NUP62: variants seen among roughly 807,000 people sequenced by gnomAD.
NUP62 encodes nuclear pore glycoprotein p62.
For synonymous variants in NUP62, 305 were observed against 303.4 expected (o/e 1.01, Z -0.05); for missense variants, 647 against 689.4 (o/e 0.94, Z 0.69).
rs1232154102 is a variant in NUP62 at position 49,921,819 on chromosome 19, C to A, written c.-78+5875G>T. 1.3e-5 allele frequency among the ~76,000 whole-genome samples: 2 copies of A among 152,210 alleles called. No homozygotes were observed. The highest frequency in any genetic ancestry group is 2.9e-5 in the Non-Finnish European group (2 of 68,026). ...GGCTGGGCTCAAGCCCGGGTACTTT[C>A]CTCCGTGCCCAAGCAACCCTGTAGG... is the stretch of plus-strand genomic sequence containing the variant. On this transcript the variant is annotated intron_variant, in intron 2 of 2. Transcript: ENST00000352066. The surrounding 1 kb of genome is among the most constrained non-coding windows in gnomAD (Gnocchi z 5.4).
intron 2 of NUP62, among the ~76,000 whole-genome samples, chr19:49,927,138 G>C (rs2075915022): frequency 6.6e-6 from 1 of 152,118 alleles, no homozygotes; most frequent in Admixed American, 6.6e-5. Flanking sequence ...TGGGACTACA[G>C]GCATGAGCCA....
intron 2 of NUP62, among the ~76,000 whole-genome samples, chr19:49,915,974 G>A (rs902203288): frequency 2.5e-4 from 38 of 152,328 alleles, no homozygotes; most frequent in Middle Eastern, 3.4e-3. Flanking sequence ...TGCTGTATTC[G>A]CAGCACCTGC....
chr19:49,907,605 T>C lies in NUP62; in HGVS notation c.*634A>G, dbSNP rs1600492913. 2 of 405,740 alleles carry C rather than the reference T, an allele frequency of 4.9e-6. No individual in the cohort carries two copies. Among genetic ancestry groups the C allele is most frequent in the Admixed American group, 6.6e-5 (2 of 30,412 alleles). 25.1% of individuals were successfully genotyped at this position (405,740 alleles called of 1,614,324 possible). On this transcript the variant is annotated 3_prime_UTR_variant, in exon 3 of 3. Transcript: ENST00000352066. Reference sequence around the variant, plus strand: ...AGGCTGGAGTGCAGTGGTGTGATCTTGGTTCACTGCAACACCTCCTGGGTT... The same window carrying C: ...AGGCTGGAGTGCAGTGGTGTGATCTCGGTTCACTGCAACACCTCCTGGGTT...
chr19:49,929,082 C>T (rs1289271877), intron 1 of NUP62: 1 of 152,418 alleles, frequency 6.6e-6, no homozygotes. Flanking sequence ...CCCCTGATCC[C>T]CAGGAGGAGG....
chr19:49,909,950 G>T, intron 2 of NUP62, 66 bp from the exon 3 acceptor site: 1 of 828,422 alleles, frequency 1.2e-6, no homozygotes, highest in Non-Finnish European at 2.0e-6. Flanking sequence ...GGCATGACTG[G>T]GCACAGTCGG....
chr19:49,922,110 G>A (rs2075779361), intron 2 of NUP62, among the ~76,000 whole-genome samples: 1 of 152,196 alleles, frequency 6.6e-6, no homozygotes, highest in South Asian at 2.1e-4. Flanking sequence ...AGAGCTGCTG[G>A]CTGTTTCTCA....
At chr19:49,912,738 C>T (rs1031260941) in intron 2 of NUP62, among the ~76,000 whole-genome samples, 8 of 148,746 alleles carry the variant, frequency 5.4e-5, no homozygotes, top group African/African-American at 1.3e-4. Flanking sequence ...TGGTGGCAGG[C>T]GCCTGTAGTC....
In NUP62 at chr19:49,921,971, C is replaced by T. The variant is rs2075775350; in HGVS notation, c.-78+5723G>A. Among the ~76,000 whole-genome samples, 1 of 152,204 alleles carries T rather than the reference C, an allele frequency of 6.6e-6. No individual in the cohort carries two copies. The highest frequency in any genetic ancestry group is 6.5e-5 in the Admixed American group (1 of 15,288). On this transcript the variant is annotated intron_variant, in intron 2 of 2. Coordinates refer to ENST00000352066, the MANE Select transcript of NUP62 (RefSeq NM_016553.5). The surrounding 1 kb of genome is among the most constrained non-coding windows in gnomAD (Gnocchi z 5.4). ...CGAGAAAGCAGCCCCGACGGCAGGG[C>T]CCTAGGGCCCCAGGCCAGGCCACCA...
chr19:49,923,359 T>A (rs894878048), intron 2 of NUP62, among the ~76,000 whole-genome samples: 8 of 152,110 alleles, frequency 5.3e-5, no homozygotes, highest in African/African-American at 1.9e-4. Context: ...GCTGAGCAAC[T>A]CATTAGAAAA....
chr19:49,917,583 C>T (rs2122692643), intron 2 of NUP62: 1 of 152,302 alleles, frequency 6.6e-6, no homozygotes, highest in Admixed American at 6.5e-5. Context: ...GGGTCAGGGT[C>T]TGGGTTATGT....
chr19:49,924,794 G>T (rs552764881), intron 2 of NUP62, among the ~76,000 whole-genome samples: 1 of 152,334 alleles, frequency 6.6e-6, no homozygotes, highest in East Asian at 1.9e-4. Flanking sequence ...CACTCACCCT[G>T]AGTCCAGCTG....
Position 49,909,499 on chromosome 19 carries a change from A to T in NUP62, c.309T>A (p.Ala103=). 3.1e-6 allele frequency: 5 copies of T among 1,614,158 alleles called. No individual in the cohort carries two copies. The highest frequency in any genetic ancestry group is 4.2e-6 in the Non-Finnish European group (5 of 1,180,028). Residue 103 remains alanine (A), a synonymous_variant, in exon 3 of 3, where the codon GCT becomes GCA. Coordinates refer to ENST00000352066, the MANE Select transcript of NUP62 (RefSeq NM_016553.5). ...GASKLNLSNT[A]ATPAMANPSG... is the part of the protein sequence containing the mutation. Reference sequence around the variant, plus strand: ...TGGGGTTTGCCATGGCTGGGGTGGCAGCTGTGTTGCTCAAGTTGAGCTTTG... The same window carrying T: ...TGGGGTTTGCCATGGCTGGGGTGGCTGCTGTGTTGCTCAAGTTGAGCTTTG...
At chr19:49,926,208 CAAAAAAAAAAA>C (rs33981121) in intron 2 of NUP62, among the ~76,000 whole-genome samples, 2 of 42,516 alleles carry the variant, frequency 4.7e-5, no homozygotes, top group East Asian at 7.9e-4. Flanking sequence ...GACTCTGTCT[CAAAAAAAAAAA>C]AAAAAAAAAA....
intron 2 of NUP62, among the ~76,000 whole-genome samples, chr19:49,913,521 C>A (rs12462389): frequency 6.6e-6 from 1 of 152,106 alleles, no homozygotes; most frequent in Non-Finnish European, 1.5e-5. Context: ...CATGTCCTCC[C>A]CACAACCCGG....
At chr19:49,926,208 CAAAAAA>C (rs33981121) in intron 2 of NUP62, among the ~76,000 whole-genome samples, 1 of 42,516 alleles carries the variant, frequency 2.4e-5, no homozygotes, top group African/African-American at 1.0e-4. Flanking sequence ...GACTCTGTCT[CAAAAAA>C]AAAAAAAAAA....
chr19:49,917,498 T>C (rs948303589), intron 2 of NUP62: 4 of 152,184 alleles, frequency 2.6e-5, no homozygotes, highest in East Asian at 1.9e-4. Context: ...AAGTGGACCT[T>C]AGCCAAGGCA....
rs755405812 is a variant in NUP62, at chr19:49,909,174, CTGTGGG to C, written c.628_633del (p.Pro210_Thr211del). The C allele has an allele frequency of 1.8e-5, 29 of 1,613,584 alleles. No homozygotes were observed. The highest frequency in any genetic ancestry group is 2.3e-5 in the Non-Finnish European group (27 of 1,179,788). Reference sequence around the variant, plus strand: ...CTGGGCCCAGTGCTGGTGATGGTGGCTGTGGGTGTGGGAGCAGCTGGCTGTGTGGCA... The same window carrying C: ...CTGGGCCCAGTGCTGGTGATGGTGGCTGTGGGAGCAGCTGGCTGTGTGGCA... On this transcript the variant is annotated inframe_deletion, in exon 3 of 3. Coordinates refer to ENST00000352066, the MANE Select transcript of NUP62 (RefSeq NM_016553.5).
chr19:49,912,256 G>A (rs553315998), intron 2 of NUP62, among the ~76,000 whole-genome samples: 44 of 140,248 alleles, frequency 3.1e-4, no homozygotes, highest in East Asian at 1.8e-3. Context: ...TGCAACCTCC[G>A]CTTCCCGGGT....
intron 2 of NUP62, among the ~76,000 whole-genome samples, chr19:49,910,624 G>C (rs990199818): frequency 6.6e-6 from 1 of 151,646 alleles, no homozygotes; most frequent in Non-Finnish European, 1.5e-5. Context: ...GTGTGGTGTG[G>C]AGGATTGCAC....
Sources: allele counts gnomAD v4.1 joint callset (sites outside exome capture counted in the v4.1 genomes callset), GRCh38; gene constraint gnomAD v4.1.1; non-coding constraint Gnocchi (gnomAD v3.1); transcripts MANE v1.5; gene names NCBI Gene and HGNC (gene_info 2026-07-23, HGNC 2026-07-21).